Variants in ANGPT4 observed in about 807,000 individuals in gnomAD.
The protein encoded by ANGPT4 is angiopoietin 4, also known as angiopoietin-4.
Under a neutral mutation model 53.0 loss-of-function variants are expected in ANGPT4, and 50 were observed. The ratio of observed to expected loss-of-function variants is 0.94; its 90% CI spans 0.75 to 1.20. ANGPT4 has a LOEUF of 1.20. ANGPT4 is among the 50% of genes most tolerant of loss of function. The pLI is 0.00. For missense variants in ANGPT4, 648 were observed against 637.1 expected (o/e 1.02, Z -0.18); for synonymous variants, 251 against 259.7 (o/e 0.97, Z 0.32).
intron 5 of ANGPT4, among the ~76,000 whole-genome samples, chr20:880,689 C>A (rs1415269174): frequency 6.6e-6 from 1 of 152,202 alleles, no homozygotes; most frequent in Admixed American, 6.5e-5. Flanking sequence ...TTCTCTGTCA[C>A]CCTTCTTATC....
intron 1 of ANGPT4, among the ~76,000 whole-genome samples, chr20:891,751 C>T (rs1323598399): frequency 6.6e-6 from 1 of 152,256 alleles, no homozygotes; most frequent in Non-Finnish European, 1.5e-5. Context: ...TCACTCCCAT[C>T]CCTTCCTCAC....
Position 872,124 on chromosome 20 carries a change from T to A in ANGPT4, c.*836A>T, listed in dbSNP as rs1313010438. On this transcript the variant is annotated 3_prime_UTR_variant, in exon 9 of 9. Transcript: ENST00000381922. ...CCTTCATGGGTAGTCACAAGGCACT[T>A]GGCCATATTAAAGGCTCTGATCAGT... The A allele has an allele frequency of 6.6e-6, 1 of 152,208 alleles. No individual in the cohort carries two copies. The highest frequency in any genetic ancestry group is 1.5e-5 in the Non-Finnish European group (1 of 68,054). 9.4% of individuals were successfully genotyped at this position (152,208 alleles called of 1,614,324 possible). A position where few individuals can be genotyped will look rare whatever the true frequency, so the allele number is the denominator to read the frequency against.
intron 7 of ANGPT4, 73 bp from the exon 8 acceptor site, chr20:874,487 C>T (rs1981084093): frequency 1.3e-6 from 2 of 1,581,782 alleles, no homozygotes; most frequent in African/African-American, 1.3e-5. Context: ...GCAAGAACTT[C>T]CCCAGTGGCT....
intron 3 of ANGPT4, among the ~76,000 whole-genome samples, chr20:885,854 ATG>A (rs1439867805): frequency 6.6e-6 from 1 of 152,240 alleles, no homozygotes; most frequent in Non-Finnish European, 1.5e-5. Flanking sequence ...GCCTAACCCC[ATG>A]TGTGGCAAGA....
At chr20:897,845 C>T (rs1260442707) in intron 1 of ANGPT4, among the ~76,000 whole-genome samples, 1 of 152,228 alleles carries the variant, frequency 6.6e-6, no homozygotes, top group Non-Finnish European at 1.5e-5. Context: ...CTTCAACTCA[C>T]ACCTGAACTA....
intron 1 of ANGPT4, among the ~76,000 whole-genome samples, chr20:899,135 C>T (rs1204270520): frequency 6.6e-6 from 1 of 152,188 alleles, no homozygotes; most frequent in Non-Finnish European, 1.5e-5. Context: ...CTACCCACTC[C>T]ACATTACCTA....
intron 5 of ANGPT4, 67 bp downstream of exon 5, chr20:881,104 G>T (rs1981385246): frequency 3.2e-6 from 4 of 1,265,318 alleles, no homozygotes; most frequent in East Asian, 5.1e-5. Context: ...GGGGTGCGGG[G>T]TGTCTGTTTG....
chr20:909,626 A>T (rs543317073), intron 1 of ANGPT4, among the ~76,000 whole-genome samples: 1 of 152,140 alleles, frequency 6.6e-6, no homozygotes, highest in African/African-American at 2.4e-5. Context: ...GCCTCATTTA[A>T]TCTCCTCAAT....
chr20:879,139 C>T (rs1160790515), intron 6 of ANGPT4, among the ~76,000 whole-genome samples: 1 of 152,120 alleles, frequency 6.6e-6, no homozygotes, highest in Admixed American at 6.5e-5. Context: ...TTAAGTATTC[C>T]TTAAATGAAC....
chr20:873,160 A>C (rs755754647), intron 8 of ANGPT4, 40 bp from the exon 9 acceptor site: 76 of 1,468,266 alleles, frequency 5.2e-5, no homozygotes, highest in Admixed American at 2.8e-4. Context: ...TGGAGGTGGG[A>C]GCCCAGCCAG....
intron 1 of ANGPT4, among the ~76,000 whole-genome samples, chr20:891,813 G>T (rs1041123830): frequency 6.6e-6 from 1 of 152,208 alleles, no homozygotes; most frequent in Non-Finnish European, 1.5e-5. Flanking sequence ...TGGAGCGGGT[G>T]CTTGTGGGCG....
At chr20:889,762 A>G (rs1981761334) in intron 2 of ANGPT4, among the ~76,000 whole-genome samples, 1 of 152,126 alleles carries the variant, frequency 6.6e-6, no homozygotes, top group Non-Finnish European at 1.5e-5. Flanking sequence ...TCTATTTGTT[A>G]TTCACTTTTT....
At chr20:881,374 G>T in intron 4 of ANGPT4, 88 bp from the exon 5 acceptor site, 1 of 1,231,644 alleles carries the variant, frequency 8.1e-7, no homozygotes, top group African/African-American at 1.5e-5. Flanking sequence ...CTTTGTGCCA[G>T]GTTCTGGGTT....
At chr20:885,358 G>C (rs767992580) in intron 3 of ANGPT4, 33 bp from the exon 4 acceptor site, 1 of 1,517,514 alleles carries the variant, frequency 6.6e-7, no homozygotes, top group Non-Finnish European at 8.8e-7. Context: ...AGGTGAGCCT[G>C]GCATCCTCGC....
chr20:886,364 AG>A (rs1981619858), intron 3 of ANGPT4, among the ~76,000 whole-genome samples: 1 of 152,230 alleles, frequency 6.6e-6, no homozygotes, highest in South Asian at 2.1e-4. Context: ...ATAAAGGTGG[AG>A]AAAAAAATGA....
chr20:901,737 A>C (rs1982295540), intron 1 of ANGPT4, among the ~76,000 whole-genome samples: 1 of 152,146 alleles, frequency 6.6e-6, no homozygotes, highest in African/African-American at 2.4e-5. Flanking sequence ...ACATGGTGAA[A>C]CCTTGTGTCT....
intron 1 of ANGPT4, among the ~76,000 whole-genome samples, chr20:904,856 T>C (rs1982418853): frequency 6.6e-6 from 1 of 152,200 alleles, no homozygotes; most frequent in African/African-American, 2.4e-5. Flanking sequence ...GGTCTCAAAC[T>C]CCTGAGCTCG....
chr20:879,947 G>A, intron 5 of ANGPT4, 99 bp from the exon 6 acceptor site: 3 of 715,422 alleles, frequency 4.2e-6, no homozygotes, highest in Non-Finnish European at 4.4e-6. Flanking sequence ...GACCCCCACA[G>A]AGCAACAGGT....
chr20:887,993 G>A (rs1025888546), intron 3 of ANGPT4, among the ~76,000 whole-genome samples: 1 of 152,112 alleles, frequency 6.6e-6, no homozygotes, highest in East Asian at 1.9e-4. Flanking sequence ...GCCAGGCAAT[G>A]TGTTTGCCTG....
Sources: allele counts gnomAD v4.1 joint callset (sites outside exome capture counted in the v4.1 genomes callset), GRCh38; gene constraint gnomAD v4.1.1; transcripts MANE v1.5; gene names NCBI Gene and HGNC (gene_info 2026-07-23, HGNC 2026-07-21).